The following TTC8 variants were observed in gnomAD, a reference collection of about 807,000 sequenced individuals.
TTC8 encodes tetratricopeptide repeat domain 8.
TTC8 carries 47 observed loss-of-function variants against 72.5 expected under a neutral mutation model. The ratio of observed to expected loss-of-function variants is 0.65; its 90% CI spans 0.51 to 0.83. The LOEUF is 0.83. Ranked by LOEUF, TTC8 falls within the 40% of genes least tolerant of loss-of-function variation. TTC8 has a pLI of 0.00. For synonymous variants in TTC8, 199 were observed against 221.4 expected (o/e 0.90, Z 0.90); for missense variants, 611 against 623.2 (o/e 0.98, Z 0.21).
rs137853922 is a variant in TTC8, at chr14:88,852,966, C to T, written c.625-5C>T. The T allele has an allele frequency of 0.012, 19,223 of 1,611,916 alleles. 145 individuals are homozygous for T. Among genetic ancestry groups the T allele is most frequent in the Middle Eastern group, 0.017 (100 of 6,052 alleles). On this transcript the variant is annotated splice_region_variant and splice_polypyrimidine_tract_variant and intron_variant, in intron 7 of 14. Coordinates refer to ENST00000380656, the MANE Select transcript of TTC8 (RefSeq NM_144596.4). ...ATACTAATCTAAAATGAATTGTTTT[C>T]AAAGGCTTTGGATCTGGCTGCCCTC...
At chr14:88,839,222 T>C (rs2094767730) in intron 2 of TTC8, among the ~76,000 whole-genome samples, 2 of 152,190 alleles carry the variant, frequency 1.3e-5, no homozygotes, top group Admixed American at 6.5e-5. Context: ...ACCAGGTAAT[T>C]ACCCCACTTC....
chr14:88,846,810 G>T, intron 7 of TTC8: 1 of 483,648 alleles, frequency 2.1e-6, no homozygotes, highest in Non-Finnish European at 3.6e-6. Context: ...ATTTTAAACA[G>T]ATAGAGTAGT....
chr14:88,832,429 A>G (rs2140959577), intron 1 of TTC8, among the ~76,000 whole-genome samples: 1 of 151,978 alleles, frequency 6.6e-6, no homozygotes, highest in African/African-American at 2.4e-5. Flanking sequence ...TTTATCTTGT[A>G]TCTCTCCTAA....
intron 8 of TTC8, among the ~76,000 whole-genome samples, chr14:88,855,875 G>T (rs2094853403): frequency 1.3e-5 from 2 of 152,190 alleles, no homozygotes; most frequent in Admixed American, 1.3e-4. Context: ...GAGCCCAGGA[G>T]TTGGCAGCCA....
At chr14:88,878,039 C>A (rs373275265), downstream of TTC8, 1 of 152,030 alleles carries the variant, frequency 6.6e-6, no homozygotes, top group African/African-American at 2.4e-5. Flanking sequence ...TCAGGTGAAA[C>A]AGGTTTTACA....
intron 2 of TTC8, among the ~76,000 whole-genome samples, chr14:88,838,118 C>A (rs2140970667): frequency 6.6e-6 from 1 of 152,234 alleles, no homozygotes; most frequent in Non-Finnish European, 1.5e-5. Context: ...AAAATGAACG[C>A]ATGATGTTAT....
At chr14:88,842,212 C>T (rs1409860017) in intron 6 of TTC8, among the ~76,000 whole-genome samples, 1 of 152,162 alleles carries the variant, frequency 6.6e-6, no homozygotes, top group Non-Finnish European at 1.5e-5. Context: ...TAATTTAAGC[C>T]TAGCTCAGGT....
At chr14:88,869,922 G>C in intron 10 of TTC8, 137 bp from the exon 11 acceptor site, 10 of 831,674 alleles carry the variant, frequency 1.2e-5, no homozygotes, top group Non-Finnish European at 1.9e-5. Context: ...TGTATCCCCA[G>C]GGTCTAGAAT....
At position 88,877,188 on chromosome 14, in the gene TTC8, T is replaced by G. The variant is rs546294132; in HGVS notation, c.1432-106T>G. 89 of 847,104 alleles carry G rather than the reference T, an allele frequency of 1.1e-4. No homozygotes were observed. In the African/African-American group the frequency reaches 1.1e-3, roughly 11 times the overall value. The allele number at this position is 847,104 out of a possible 1,614,324, so 52.5% of individuals were successfully genotyped here. A position where few individuals can be genotyped will look rare whatever the true frequency, so the allele number is the denominator to read the frequency against. On this transcript the variant is annotated intron_variant, in intron 14 of 14. Transcript: ENST00000380656. ...TGTTAAAAAAAAAAGAAAAGAACCC[T>G]TTGAATTTCTACAGCATGCAGATAC...
chr14:88,844,733 G>T (rs1216476452), intron 7 of TTC8, among the ~76,000 whole-genome samples: 1 of 150,326 alleles, frequency 6.7e-6, no homozygotes, highest in African/African-American at 2.5e-5. Flanking sequence ...TTAATTATCT[G>T]TACAGACATG....
chr14:88,827,095 G>A (rs1420434148), intron 1 of TTC8, among the ~76,000 whole-genome samples: 7 of 152,006 alleles, frequency 4.6e-5, no homozygotes, highest in African/African-American at 1.7e-4. Context: ...TGGTACATCG[G>A]GAAATGTAGG....
downstream of TTC8, chr14:88,879,022 T>TTGGAAG (rs1486584301): frequency 6.6e-6 from 1 of 152,192 alleles, no homozygotes; most frequent in African/African-American, 2.4e-5. Flanking sequence ...TAAATAAATC[T>TTGGAAG]ACTACCATTT....
At position 88,871,938 on chromosome 14, in the gene TTC8, G is replaced by A. The variant is rs1018508124; in HGVS notation, c.1224+215G>A. Among the ~76,000 whole-genome samples, 3 of 152,120 alleles carry A rather than the reference G, an allele frequency of 2.0e-5. No homozygotes were observed. Among genetic ancestry groups the A allele is most frequent in the Non-Finnish European group, 4.4e-5 (3 of 68,030 alleles). On this transcript the variant is annotated intron_variant, in intron 12 of 14. Transcript: ENST00000380656. The surrounding 1 kb of genome is among the most constrained non-coding windows in gnomAD (Gnocchi z 4.1). ...GTGGTAGTGCACATCTGTAGTCCCA[G>A]CTACTCTGAGGGCTGAGGCAGGAAG...
intron 2 of TTC8, among the ~76,000 whole-genome samples, chr14:88,837,867 T>A (rs1241132916): frequency 1.3e-5 from 2 of 152,214 alleles, no homozygotes; most frequent in Non-Finnish European, 2.9e-5. Flanking sequence ...CAATTGGAGT[T>A]CCAATAGGAA....
Position 88,870,196 on chromosome 14 carries a change from C to G in TTC8, c.1047C>G (p.Tyr349Ter). 6.2e-7 allele frequency: 1 copy of G among 1,614,026 alleles called. No homozygotes were observed. The change falls in exon 11 of 15, where the codon TAC becomes TAG. Residue 349 changes from tyrosine (Y) to a stop codon, truncating the protein, a stop_gained and splice_region_variant. Transcript: ENST00000380656. LOFTEE classifies it high-confidence loss of function. ...SDQPEIALRF[Y>*]RRLLQMGIYN... Reference sequence around the variant, plus strand: ...AGCCAGAAATAGCTCTCCGGTTTTACAGGTGCACTTCACATCCAATTCTTA... The same window carrying G: ...AGCCAGAAATAGCTCTCCGGTTTTAGAGGTGCACTTCACATCCAATTCTTA...
At chr14:88,845,327 G>C (rs2094801198) in intron 7 of TTC8, among the ~76,000 whole-genome samples, 1 of 152,154 alleles carries the variant, frequency 6.6e-6, no homozygotes, top group East Asian at 1.9e-4. Context: ...GGGATAATTA[G>C]GGAAGGAAGT....
chr14:88,849,438 A>T (rs1181510232), intron 7 of TTC8, among the ~76,000 whole-genome samples: 1 of 152,204 alleles, frequency 6.6e-6, no homozygotes, highest in African/African-American at 2.4e-5. Context: ...CATGTTAAGA[A>T]ATCAGAGGTG....
chr14:88,871,756 A>C lies in TTC8; in HGVS notation c.1224+33A>C. 1 of 1,613,534 alleles carries C rather than the reference A, an allele frequency of 6.2e-7. No homozygotes were observed. The highest frequency in any genetic ancestry group is 8.5e-7 in the Non-Finnish European group (1 of 1,179,608). ...GTCTTACTGATATAATTTCTGTTAT[A>C]GAAAGTTGGTTTGAGCCAGACACAG... On this transcript the variant is annotated intron_variant, in intron 12 of 14. Transcript: ENST00000380656. This position sits in a 1 kb window ranked among gnomAD's most constrained non-coding sequence, Gnocchi z 4.1.
chr14:88,824,566 G>A (rs2094689129), upstream of TTC8: 5 of 640,588 alleles, frequency 7.8e-6, no homozygotes, highest in African/African-American at 1.8e-5. Context: ...TCTTTTTCCT[G>A]TTCTCAGGCG....
Sources: gnomAD v4.1 joint callset for allele counts (sites outside exome capture counted in the v4.1 genomes callset) on GRCh38, gnomAD v4.1.1 for gene constraint, Gnocchi (gnomAD v3.1) non-coding constraint, MANE v1.5 for transcripts, NCBI Gene and HGNC (gene_info 2026-07-23, HGNC 2026-07-21) for gene names.